The following TMEM132D variants were observed in gnomAD, a reference collection of about 807,000 sequenced individuals.
TMEM132D encodes the protein mature OL transmembrane protein.
In TMEM132D, 21 loss-of-function variants were observed where a neutral mutation model predicts 62.3. That is an observed-to-expected ratio of 0.34 (90% CI 0.24 to 0.49). The LOEUF (loss-of-function observed/expected upper bound fraction) is 0.49. TMEM132D is among the 20% of genes least tolerant of loss of function. The probability of loss-of-function intolerance (pLI) is 0.99; values close to 1 mark genes in which losing one functional copy is unlikely to be tolerated. For missense variants in TMEM132D, 1,346 were observed against 1,402.8 expected (o/e 0.96, Z 0.65); for synonymous variants, 621 against 575.6 (o/e 1.08, Z -1.13).
At chr12:129,718,416 GTGCCCATGT>G (rs1370760612) in intron 1 of TMEM132D, among the ~76,000 whole-genome samples, 1 of 152,198 alleles carries the variant, frequency 6.6e-6, no homozygotes, top group Non-Finnish European at 1.5e-5. Context: ...TTCACGTCTG[GTGCCCATGT>G]TACCATGAAA....
intron 3 of TMEM132D, among the ~76,000 whole-genome samples, chr12:129,508,411 A>G (rs1426075344): frequency 6.6e-6 from 1 of 152,236 alleles, no homozygotes; most frequent in Non-Finnish European, 1.5e-5. Context: ...AAGTGAAAAT[A>G]CAAAAGTATA....
intron 3 of TMEM132D, among the ~76,000 whole-genome samples, chr12:129,447,780 G>A (rs1873147870): frequency 6.6e-6 from 1 of 152,106 alleles, no homozygotes; most frequent in Non-Finnish European, 1.5e-5. Context: ...AGAGTGTGTG[G>A]TGATGTGGAA....
intron 1 of TMEM132D, among the ~76,000 whole-genome samples, chr12:129,752,954 G>A (rs1281473494): frequency 6.6e-6 from 1 of 152,212 alleles, no homozygotes; most frequent in Non-Finnish European, 1.5e-5. Flanking sequence ...TTGGTGAGAA[G>A]CTATTAGAAG....
chr12:129,665,152 T>G (rs1880347039), intron 2 of TMEM132D, among the ~76,000 whole-genome samples: 1 of 152,020 alleles, frequency 6.6e-6, no homozygotes, highest in Non-Finnish European at 1.5e-5. Context: ...AGACCCTACC[T>G]CAAACTTACC....
chr12:129,351,553 G>A lies in TMEM132D; in HGVS notation c.1116-13736C>T, dbSNP rs186708467. 6.6e-5 allele frequency among the ~76,000 whole-genome samples: 10 copies of A among 152,250 alleles called. No homozygotes were observed. In the East Asian group the frequency reaches 1.2e-3, roughly 18 times the overall value. ...GATCGAAGCCGAATGTTGTGTGTAC[G>A]TTCCAGACTATTCACATAAGATTAC... On this transcript the variant is annotated intron_variant, in intron 3 of 8. Coordinates refer to ENST00000422113, the MANE Select transcript of TMEM132D (RefSeq NM_133448.3).
intron 1 of TMEM132D, among the ~76,000 whole-genome samples, chr12:129,875,658 T>C (rs1874396290): frequency 6.6e-6 from 1 of 152,068 alleles, no homozygotes; most frequent in Non-Finnish European, 1.5e-5. Flanking sequence ...GCAGTTCAAG[T>C]CACAGAACAA....
intron 4 of TMEM132D, among the ~76,000 whole-genome samples, chr12:129,232,297 G>C (rs530931046): frequency 6.6e-6 from 1 of 152,304 alleles, no homozygotes; most frequent in Non-Finnish European, 1.5e-5. Flanking sequence ...ACTCAGACAT[G>C]GTTCAAGACA....
At chr12:129,470,548 T>C (rs377416072) in intron 3 of TMEM132D, among the ~76,000 whole-genome samples, 12 of 152,314 alleles carry the variant, frequency 7.9e-5, no homozygotes, top group African/African-American at 2.9e-4. Context: ...GTCCTTATTT[T>C]TCAGGTGAGG....
chr12:129,650,312 T>C (rs952492475), intron 2 of TMEM132D, among the ~76,000 whole-genome samples: 4 of 152,210 alleles, frequency 2.6e-5, no homozygotes, highest in Non-Finnish European at 5.9e-5. Context: ...TTTGCTACCA[T>C]AGAATACATA....
intron 2 of TMEM132D, among the ~76,000 whole-genome samples, chr12:129,582,961 C>T (rs565565805): frequency 6.7e-6 from 1 of 150,280 alleles, no homozygotes; most frequent in East Asian, 2.0e-4. Flanking sequence ...GACAGAGTCT[C>T]ACTCTGTCAC....
At chr12:129,354,315 G>GTGTA (rs1555250011) in intron 3 of TMEM132D, among the ~76,000 whole-genome samples, 3 of 148,032 alleles carry the variant, frequency 2.0e-5, no homozygotes, top group Non-Finnish European at 4.5e-5. Context: ...ACTTTATTGG[G>GTGTA]TATATATATA....
At chr12:129,188,231 C>T (rs532636833) in intron 5 of TMEM132D, among the ~76,000 whole-genome samples, 1 of 152,276 alleles carries the variant, frequency 6.6e-6, no homozygotes, top group East Asian at 1.9e-4. Flanking sequence ...GTTCTTTCTC[C>T]AAGACTCTGC....
intron 5 of TMEM132D, among the ~76,000 whole-genome samples, chr12:129,138,120 G>T (rs578126996): frequency 3.9e-5 from 6 of 152,058 alleles, no homozygotes; most frequent in Admixed American, 3.3e-4. Context: ...TGATCTAGAA[G>T]GTACCCTCCC....
chr12:129,159,536 C>A (rs1333127287), intron 5 of TMEM132D, among the ~76,000 whole-genome samples: 1 of 152,110 alleles, frequency 6.6e-6, no homozygotes, highest in African/African-American at 2.4e-5. Context: ...GTGGGCAGAT[C>A]ACTTGAGGCC....
intron 3 of TMEM132D, among the ~76,000 whole-genome samples, chr12:129,411,795 C>T (rs986564826): frequency 6.6e-6 from 1 of 152,190 alleles, no homozygotes; most frequent in Admixed American, 6.5e-5. Context: ...TCGCTTTCAT[C>T]GGCAGTCCGT....
At chr12:129,378,538 A>AGC (rs1482443202) in intron 3 of TMEM132D, among the ~76,000 whole-genome samples, 1 of 152,220 alleles carries the variant, frequency 6.6e-6, no homozygotes, top group Non-Finnish European at 1.5e-5. Flanking sequence ...TGAAAGCTAG[A>AGC]GAGCTTTGGT....
chr12:129,236,514 C>CAAAAAAAAAAAA (rs60745384), intron 4 of TMEM132D, among the ~76,000 whole-genome samples: 3 of 67,036 alleles, frequency 4.5e-5, no homozygotes, highest in African/African-American at 1.1e-4. Context: ...GACTCCATCT[C>CAAAAAAAAAAAA]AAAAAAAAAA....
chr12:129,861,129 C>T (rs1873884494), intron 1 of TMEM132D, among the ~76,000 whole-genome samples: 1 of 152,186 alleles, frequency 6.6e-6, no homozygotes, highest in African/African-American at 2.4e-5. Context: ...TTTGAGAAAT[C>T]TGTGACCATT....
At chr12:129,513,822 T>C (rs1324837098) in intron 3 of TMEM132D, among the ~76,000 whole-genome samples, 1 of 134,064 alleles carries the variant, frequency 7.5e-6, no homozygotes, top group Non-Finnish European at 1.6e-5. Context: ...ATTTATTTAT[T>C]TATTTATTTA....
Sources: gnomAD v4.1 joint callset for allele counts (sites outside exome capture counted in the v4.1 genomes callset) on GRCh38, gnomAD v4.1.1 for gene constraint, MANE v1.5 for transcripts, NCBI Gene and HGNC (gene_info 2026-07-23, HGNC 2026-07-21) for gene names.